ARHGAP18: variants seen among roughly 807,000 people sequenced by gnomAD.
ARHGAP18 encodes Rho GTPase activating protein 18.
In ARHGAP18, 67 loss-of-function variants were observed where a neutral mutation model predicts 86.2. The ratio of observed to expected loss-of-function variants is 0.78; its 90% CI spans 0.64 to 0.95. The LOEUF is 0.95. Ranked by LOEUF, ARHGAP18 falls within the 40% of genes least tolerant of loss-of-function variation. ARHGAP18 has a pLI of 0.00. For synonymous variants in ARHGAP18, 283 were observed against 280.4 expected, an observed-to-expected ratio of 1.01 and a Z score of -0.09; for missense variants, 691 against 780.4, an observed-to-expected ratio of 0.89 and a Z score of 1.37.
At chr6:129,609,851 C>T (rs550538876) in intron 8 of ARHGAP18, among the ~76,000 whole-genome samples, 19 of 152,014 alleles carry the variant, frequency 1.2e-4, no homozygotes, top group Admixed American at 2.0e-4. Flanking sequence ...CCAAGGAGGC[C>T]GAAACTGGTG....
At chr6:129,687,732 A>T (rs533950681) in intron 1 of ARHGAP18, among the ~76,000 whole-genome samples, 1 of 152,370 alleles carries the variant, frequency 6.6e-6, no homozygotes, top group African/African-American at 2.4e-5. Context: ...TATGTTCATG[A>T]CACGACAGAG....
At chr6:129,652,905 C>T (rs763909070) in intron 1 of ARHGAP18, among the ~76,000 whole-genome samples, 3 of 152,116 alleles carry the variant, frequency 2.0e-5, no homozygotes, top group Admixed American at 6.5e-5. Flanking sequence ...TGAATATAAT[C>T]GTGGTTTTCC....
At chr6:129,687,153 A>T (rs1409240836) in intron 1 of ARHGAP18, among the ~76,000 whole-genome samples, 2 of 151,564 alleles carry the variant, frequency 1.3e-5, no homozygotes, top group African/African-American at 4.8e-5. Context: ...GCACAGTTTC[A>T]TCCCTTTGAG....
intron 1 of ARHGAP18, among the ~76,000 whole-genome samples, chr6:129,660,779 G>T (rs1773934118): frequency 6.6e-6 from 1 of 152,124 alleles, no homozygotes; most frequent in Non-Finnish European, 1.5e-5. Context: ...AGAGTTACTG[G>T]CTGGAGATAA....
rs542308902 is a variant in ARHGAP18, at chr6:129,651,750, C to G, written c.114-9732G>C. On this transcript the variant is annotated intron_variant, in intron 1 of 14. Transcript: ENST00000368149. The stretch of plus-strand genomic sequence containing the variant: ...TATCCACTCGTTCTCCAGTCATCCC[C>G]TGCTCAATTAATTCCTGAGATTTAG... Among the ~76,000 whole-genome samples the G allele has an allele frequency of 1.3e-3, 192 of 152,312 alleles. 1 individual carries two copies. Among genetic ancestry groups the G allele is most frequent in the African/African-American group, 4.5e-3 (189 of 41,578 alleles).
chr6:129,646,397 T>C (rs370643534), intron 1 of ARHGAP18, among the ~76,000 whole-genome samples: 15 of 152,306 alleles, frequency 9.8e-5, no homozygotes, highest in East Asian at 3.9e-4. Context: ...TCCCACTGTT[T>C]AATAAGGTCT....
In ARHGAP18 at chr6:129,591,917, G is replaced by T. The variant is rs143054756; in HGVS notation, c.1713+7299C>A. ...ACCCTAGTCTGAACTGACAATACTG[G>T]GAAGTGGTGATATAAAAGGAATTCG... On this transcript the variant is annotated intron_variant, in intron 12 of 14. Transcript: ENST00000368149. Among the ~76,000 whole-genome samples, 831 of 152,248 alleles carry T rather than the reference G, an allele frequency of 5.5e-3. 8 individuals carry two copies. Among genetic ancestry groups the T allele is most frequent in the African/African-American group, 0.019 (790 of 41,554 alleles).
Position 129,686,839 on chromosome 6 carries a change from G to A in ARHGAP18, c.113+23185C>T, listed in dbSNP as rs531133803. Among the ~76,000 whole-genome samples, 37 of 141,340 alleles carry A rather than the reference G, an allele frequency of 2.6e-4. No homozygotes were observed. In the South Asian group the frequency reaches 7.1e-3, roughly 27 times the overall value. The allele number at this position is 141,340 out of a possible 152,430, so 92.7% of individuals were successfully genotyped here. ...GAGTCTCGCTCTCGTGGCCCAGGCC[G>A]GTGTGCAATGGCGCGATCTCGGATC... On this transcript the variant is annotated intron_variant, in intron 1 of 14. Coordinates refer to ENST00000368149, the MANE Select transcript of ARHGAP18 (RefSeq NM_033515.3).
At chr6:129,625,127 T>A (rs188008626) in intron 5 of ARHGAP18, among the ~76,000 whole-genome samples, 1 of 5,940 alleles carries the variant, frequency 1.7e-4, no homozygotes, top group Non-Finnish European at 1.1e-3. Context: ...AGATATATAT[T>A]ATATATGATA....
intron 1 of ARHGAP18, among the ~76,000 whole-genome samples, chr6:129,685,898 T>C (rs1006163831): frequency 1.6e-4 from 24 of 152,196 alleles, no homozygotes; most frequent in Admixed American, 2.6e-4. Context: ...AAGAAGTCTT[T>C]TTGCAACAAC....
chr6:129,599,305 T>C lies in ARHGAP18; in HGVS notation c.1624A>G (p.Lys542Glu), dbSNP rs1405482753. ...QVRKQNTENHKKDKRAMKKLL... is the reference protein window; with the variant it reads ...QVRKQNTENHEKDKRAMKKLL... ...TTCTTCATGGCTCTTTTATCCTTTT[T>C]ATGATTTTCCGTGTTTTGCTTCCTC... The change falls in exon 12 of 15, where the codon AAA (lysine) becomes GAA (glutamate). Residue 542 changes from lysine to glutamate, a missense_variant. By Grantham distance (56) the Lys-to-Glu change is moderately conservative (BLOSUM62 1). Transcript: ENST00000368149. 1.3e-6 allele frequency: 2 copies of C among 1,594,396 alleles called. No homozygotes were observed. The highest frequency in any genetic ancestry group is 4.5e-5 in the East Asian group (2 of 44,122).
In ARHGAP18 at chr6:129,600,747, A is replaced by C. The variant is rs1352595882; in HGVS notation, c.1467T>G (p.Cys489Trp). 3 of 1,613,650 alleles carry C rather than the reference A, an allele frequency of 1.9e-6. No homozygotes were observed. Among genetic ancestry groups the C allele is most frequent in the Non-Finnish European group, 2.5e-6 (3 of 1,179,810 alleles). The change falls in exon 11 of 15, where the codon TGT becomes TGG. Residue 489 changes from cysteine to tryptophan, a missense_variant. By Grantham distance (215) the Cys-to-Trp change is radical. Coordinates refer to ENST00000368149, the MANE Select transcript of ARHGAP18 (RefSeq NM_033515.3). ...AMVMAPNLFM[C>W]HALGLKSSEQ... ...CACTGGACTTCAATCCCAATGCATG[A>C]CACATAAAGAGATTCGGGGCCATGA...
intron 1 of ARHGAP18, among the ~76,000 whole-genome samples, chr6:129,664,975 C>T (rs1010152479): frequency 7.9e-5 from 12 of 151,984 alleles, no homozygotes; most frequent in Admixed American, 2.0e-4. Context: ...TGCAGATATC[C>T]GGGTATAGAC....
At chr6:129,616,815 G>C (rs1040723042) in intron 6 of ARHGAP18, among the ~76,000 whole-genome samples, 1 of 152,028 alleles carries the variant, frequency 6.6e-6, no homozygotes, top group Admixed American at 6.6e-5. Flanking sequence ...AATTAGGCAG[G>C]TATGATGGCA....
intron 9 of ARHGAP18, among the ~76,000 whole-genome samples, chr6:129,607,120 A>G (rs547604050): frequency 3.3e-5 from 5 of 152,214 alleles, no homozygotes; most frequent in Non-Finnish European, 5.9e-5. Context: ...TCAGCCTCCC[A>G]AAGTGCTGGG....
At chr6:129,705,480 G>T (rs573865116) in intron 1 of ARHGAP18, among the ~76,000 whole-genome samples, 121 of 152,224 alleles carry the variant, frequency 7.9e-4, no homozygotes, top group African/African-American at 2.8e-3. Flanking sequence ...ATTGTTACCA[G>T]TTCAAATCAT....
chr6:129,678,839 G>A (rs915625676), intron 1 of ARHGAP18, among the ~76,000 whole-genome samples: 2 of 152,110 alleles, frequency 1.3e-5, no homozygotes, highest in African/African-American at 4.8e-5. Context: ...ATAAAAAGTT[G>A]AGGAAACAAT....
intron 9 of ARHGAP18, among the ~76,000 whole-genome samples, chr6:129,606,844 T>C (rs1000947645): frequency 6.6e-6 from 1 of 151,642 alleles, no homozygotes; most frequent in Non-Finnish European, 1.5e-5. Flanking sequence ...TGGTTGAAAC[T>C]GTAGCTCACC....
intron 5 of ARHGAP18, among the ~76,000 whole-genome samples, chr6:129,626,650 G>A (rs12530213): frequency 0.1 from 15,037 of 147,190 alleles, 1,024 homozygotes; most frequent in Middle Eastern, 0.17. Context: ...CTTTTAGGAT[G>A]TACCCCCAAA....
Sources: allele counts gnomAD v4.1 joint callset (sites outside exome capture counted in the v4.1 genomes callset), GRCh38; gene constraint gnomAD v4.1.1; transcripts MANE v1.5; gene names NCBI Gene and HGNC (gene_info 2026-07-23, HGNC 2026-07-21).